Variants in EHD4 observed in about 807,000 individuals in gnomAD.
EHD4 encodes the protein EH domain-containing protein 4.
EHD4 carries 37 observed loss-of-function variants against 51.0 expected under a neutral mutation model. That is an observed-to-expected ratio of 0.73 (90% CI 0.56 to 0.95). The LOEUF is 0.95. Among genes scored for constraint, EHD4 ranks in the 40% least tolerant of loss-of-function variants. The probability of loss-of-function intolerance (pLI) is 0.00; values close to 1 mark genes in which losing one functional copy is unlikely to be tolerated. For synonymous variants in EHD4, 297 were observed against 317.3 expected (o/e 0.94, Z 0.68); for missense variants, 632 against 733.1 (o/e 0.86, Z 1.59).
At chr15:41,962,361 T>C (rs1456018152) in intron 1 of EHD4, among the ~76,000 whole-genome samples, 3 of 152,154 alleles carry the variant, frequency 2.0e-5, no homozygotes, top group Admixed American at 6.5e-5. Flanking sequence ...TATTAAAAAG[T>C]ATTTCAAAGT....
intron 2 of EHD4, among the ~76,000 whole-genome samples, chr15:41,951,464 A>C (rs142850219): frequency 2.0e-5 from 3 of 152,034 alleles, no homozygotes; most frequent in Non-Finnish European, 4.4e-5. Flanking sequence ...ATTTGAGAAG[A>C]AAAAAACATT....
At chr15:41,947,948 C>T (rs1413953730) in intron 2 of EHD4, among the ~76,000 whole-genome samples, 1 of 152,192 alleles carries the variant, frequency 6.6e-6, no homozygotes, top group Non-Finnish European at 1.5e-5. Context: ...AATGTACAGG[C>T]AGCTGCTAGT....
At position 41,910,672 on chromosome 15, in the gene EHD4, G is replaced by A. The variant is rs760223659; in HGVS notation, c.925-809C>T. ...GCAACCTCCACCTCCTGGTTCAAGC[G>A]ATTTTCCTGCTTCAGCCTCCCGAGT... On this transcript the variant is annotated intron_variant, in intron 4 of 5. Coordinates refer to ENST00000220325, the MANE Select transcript of EHD4 (RefSeq NM_139265.4). Among the ~76,000 whole-genome samples the A allele has an allele frequency of 3.9e-4, 59 of 152,176 alleles. 1 individual carries two copies. Among genetic ancestry groups the A allele is most frequent in the African/African-American group, 4.1e-4 (17 of 41,444 alleles).
At chr15:41,919,725 A>G in intron 3 of EHD4, 103 bp from the exon 4 acceptor site, 1 of 1,178,940 alleles carries the variant, frequency 8.5e-7, no homozygotes, top group Non-Finnish European at 1.1e-6. Context: ...CCAGGGAGAG[A>G]GCCCTGTCTC....
chr15:41,962,180 A>T (rs974665753), intron 1 of EHD4, among the ~76,000 whole-genome samples: 4 of 152,230 alleles, frequency 2.6e-5, no homozygotes, highest in Admixed American at 2.6e-4. Flanking sequence ...ACAAAAATGT[A>T]ACTTAGAGAC....
intron 5 of EHD4, among the ~76,000 whole-genome samples, chr15:41,904,389 G>C (rs1016911196): frequency 1.3e-5 from 2 of 151,654 alleles, no homozygotes; most frequent in African/African-American, 2.4e-5. Flanking sequence ...GGGACTGCGG[G>C]GGCACCAGTT....
chr15:41,900,801 C>T lies in EHD4; in HGVS notation c.1470G>A (p.Leu490=), dbSNP rs1337401289. Reference sequence around the variant, plus strand: ...GCATGCCGTCGCAGTCGCAGTCGGCCAGCTTCCAGATCTTGCCCAGGACGC... The same window carrying T: ...GCATGCCGTCGCAGTCGCAGTCGGCTAGCTTCCAGATCTTGCCCAGGACGC... ...PNSVLGKIWK[L]ADCDCDGMLD... is the part of the protein sequence containing the mutation. Residue 490 remains leucine (L), a synonymous_variant, in exon 6 of 6, where the codon CTG becomes CTA. Coordinates refer to ENST00000220325, the MANE Select transcript of EHD4 (RefSeq NM_139265.4). This position sits in a 1 kb window ranked among gnomAD's most constrained non-coding sequence, Gnocchi z 4.8. 1 of 1,614,194 alleles carries T rather than the reference C, an allele frequency of 6.2e-7. No homozygotes were observed. Among genetic ancestry groups the T allele is most frequent in the Admixed American group, 1.7e-5 (1 of 60,026 alleles).
intron 3 of EHD4, among the ~76,000 whole-genome samples, chr15:41,931,728 A>G (rs138418986): frequency 0.12 from 18,511 of 150,836 alleles, 1,475 homozygotes; most frequent in Non-Finnish European, 0.19. Flanking sequence ...CCAGGCTGGA[A>G]TGCAGTGGCG....
chr15:41,915,534 C>T (rs1373979409), intron 4 of EHD4, among the ~76,000 whole-genome samples: 1 of 152,202 alleles, frequency 6.6e-6, no homozygotes, highest in Admixed American at 6.5e-5. Context: ...TCAAATGTTG[C>T]CTCATTTTTG....
rs1567244428 is a variant in EHD4 at position 41,909,793 on chromosome 15, CTCTT to C, written c.991_994del (p.Lys331GlufsTer46). ...TTCCGGTAGCCTGCTGATAAGCTCT[CTCTT>C]CTTGTTTTCCTTTCCAAATACACTT... is the stretch of plus-strand genomic sequence containing the variant. On this transcript the variant is annotated frameshift_variant, in exon 5 of 6. Transcript: ENST00000220325. LOFTEE classifies it high-confidence loss of function. The C allele has an allele frequency of 1.2e-6, 2 of 1,614,202 alleles. No individual in the cohort carries two copies. Among genetic ancestry groups the C allele is most frequent in the Non-Finnish European group, 1.7e-6 (2 of 1,180,040 alleles).
intron 1 of EHD4, among the ~76,000 whole-genome samples, chr15:41,966,994 T>A (rs999760545): frequency 6.6e-6 from 1 of 152,160 alleles, no homozygotes; most frequent in Non-Finnish European, 1.5e-5. Flanking sequence ...AGCCCAGATA[T>A]CTCCCTGAGC....
intron 1 of EHD4, among the ~76,000 whole-genome samples, chr15:41,968,754 T>C (rs2141011642): frequency 6.6e-6 from 1 of 152,384 alleles, no homozygotes; most frequent in African/African-American, 2.4e-5. Context: ...ACATGATGCT[T>C]AGTGTTGAAA....
At chr15:41,951,605 T>C (rs866275565) in intron 2 of EHD4, among the ~76,000 whole-genome samples, 6 of 152,340 alleles carry the variant, frequency 3.9e-5, no homozygotes, top group Middle Eastern at 6.8e-3. Flanking sequence ...CTTATTTCGT[T>C]AAGCCTTTGT....
At chr15:41,912,648 T>C (rs1385577290) in intron 4 of EHD4, among the ~76,000 whole-genome samples, 1 of 152,006 alleles carries the variant, frequency 6.6e-6, no homozygotes, top group African/African-American at 2.4e-5. Context: ...TGAGCTGAGA[T>C]TGCCCCACTG....
chr15:41,944,221 G>A (rs2067796373), intron 2 of EHD4, among the ~76,000 whole-genome samples: 1 of 152,180 alleles, frequency 6.6e-6, no homozygotes, highest in African/African-American at 2.4e-5. Flanking sequence ...GACAGGGTCT[G>A]GCGATGTCCT....
At chr15:41,957,460 C>T (rs566722069) in intron 1 of EHD4, among the ~76,000 whole-genome samples, 33 of 152,242 alleles carry the variant, frequency 2.2e-4, no homozygotes, top group African/African-American at 7.0e-4. Context: ...AGGGCATGGT[C>T]TATATACTCA....
At chr15:41,916,200 G>A (rs541245268) in intron 4 of EHD4, among the ~76,000 whole-genome samples, 1 of 152,340 alleles carries the variant, frequency 6.6e-6, no homozygotes, top group East Asian at 1.9e-4. Context: ...TCTGTGGATG[G>A]AGACTTTTAT....
intron 1 of EHD4, among the ~76,000 whole-genome samples, chr15:41,957,148 G>T (rs2067893378): frequency 6.6e-6 from 1 of 152,084 alleles, no homozygotes; most frequent in Non-Finnish European, 1.5e-5. Context: ...TGGGCAACAT[G>T]GAGAAACCCC....
At position 41,937,740 on chromosome 15, in the gene EHD4, T is replaced by C. The variant is rs542148825; in HGVS notation, c.511+5327A>G. ...TTTGTCTTCAAAGTTCAAAAGTGGA[T>C]GCATTTGTACTTCCCTGATTGTGGT... On this transcript the variant is annotated intron_variant, in intron 3 of 5. Transcript: ENST00000220325. 7.2e-5 allele frequency among the ~76,000 whole-genome samples: 11 copies of C among 152,344 alleles called. No individual in the cohort carries two copies. In the East Asian group the frequency reaches 2.1e-3, roughly 29 times the overall value.
Sources: gnomAD v4.1 joint callset for allele counts (sites outside exome capture counted in the v4.1 genomes callset) on GRCh38, gnomAD v4.1.1 for gene constraint, Gnocchi (gnomAD v3.1) non-coding constraint, MANE v1.5 for transcripts, NCBI Gene and HGNC (gene_info 2026-07-23, HGNC 2026-07-21) for gene names.